The following MLLT3 variants were observed in gnomAD, a reference collection of about 807,000 sequenced individuals.
The protein encoded by MLLT3 is MLLT3 super elongation complex subunit, also known as protein AF-9.
Under a neutral mutation model 53.2 loss-of-function variants are expected in MLLT3, and 4 were observed. The ratio of observed to expected loss-of-function variants is 0.08; its 90% confidence interval spans 0.04 to 0.17. The LOEUF is 0.17. MLLT3 is among the 10% of genes least tolerant of loss of function. The pLI is 1.00. For missense variants in MLLT3, 569 were observed against 684.0 expected (o/e 0.83, Z 1.87); for synonymous variants, 283 against 230.6 (o/e 1.23, Z -2.06).
chr9:20,581,805 C>T (rs1040942958), intron 2 of MLLT3, among the ~76,000 whole-genome samples: 22 of 152,094 alleles, frequency 1.4e-4, no homozygotes, highest in Admixed American at 2.6e-4. Context: ...ATACCATTAC[C>T]TCTGGCTATT....
chr9:20,405,626 C>A (rs1008853576), intron 5 of MLLT3, among the ~76,000 whole-genome samples: 1 of 152,152 alleles, frequency 6.6e-6, no homozygotes, highest in Non-Finnish European at 1.5e-5. Flanking sequence ...ATAAAAGAGT[C>A]CCACACAGGT....
chr9:20,544,379 T>C (rs1373053089), intron 2 of MLLT3, among the ~76,000 whole-genome samples: 3 of 152,068 alleles, frequency 2.0e-5, no homozygotes, highest in Admixed American at 6.5e-5. Context: ...ACCTATGAAA[T>C]GGGAATAAAT....
chr9:20,359,515 T>C (rs977573109), intron 8 of MLLT3, among the ~76,000 whole-genome samples: 9 of 152,220 alleles, frequency 5.9e-5, no homozygotes, highest in Non-Finnish European at 1.2e-4. Flanking sequence ...GAAATTGCAG[T>C]TGAACTGTAA....
At chr9:20,582,611 T>C (rs1563829123) in intron 2 of MLLT3, among the ~76,000 whole-genome samples, 2 of 152,224 alleles carry the variant, frequency 1.3e-5, no homozygotes, top group African/African-American at 2.4e-5. Context: ...AGAGGTTTAA[T>C]TGGACTTACA....
intron 10 of MLLT3, among the ~76,000 whole-genome samples, chr9:20,350,894 T>C (rs549158615): frequency 2.6e-5 from 4 of 152,148 alleles, no homozygotes; most frequent in Admixed American, 6.6e-5. Flanking sequence ...CAGGGTTCTT[T>C]CCATGTGAAG....
At chr9:20,417,723 T>C (rs1333046852) in intron 4 of MLLT3, among the ~76,000 whole-genome samples, 3 of 152,206 alleles carry the variant, frequency 2.0e-5, no homozygotes, top group Middle Eastern at 3.2e-3. Context: ...TCTATTCAGA[T>C]TGCACTGAAT....
chr9:20,443,960 T>C (rs1823623445), intron 4 of MLLT3, among the ~76,000 whole-genome samples: 1 of 152,212 alleles, frequency 6.6e-6, no homozygotes, highest in Non-Finnish European at 1.5e-5. Context: ...TGTATCACAC[T>C]TCTTTCCAAC....
intron 2 of MLLT3, among the ~76,000 whole-genome samples, chr9:20,457,237 T>C (rs1296306349): frequency 1.4e-5 from 2 of 138,178 alleles, no homozygotes; most frequent in African/African-American, 2.9e-5. Flanking sequence ...GACAAGGACA[T>C]CTTTTTTTTT....
chr9:20,456,672 T>C lies in MLLT3; in HGVS notation c.276+32A>G, dbSNP rs769397901. 20 of 1,440,950 alleles carry C rather than the reference T, an allele frequency of 1.4e-5. No individual in the cohort carries two copies. In the East Asian group the frequency reaches 4.1e-4, roughly 30 times the overall value. The allele number at this position is 1,440,950 out of a possible 1,614,324, so 89.3% of individuals were successfully genotyped here. A position where few individuals can be genotyped will look rare whatever the true frequency, so the allele number is the denominator to read the frequency against. On this transcript the variant is annotated intron_variant, in intron 3 of 10. Coordinates refer to ENST00000380338, the MANE Select transcript of MLLT3 (RefSeq NM_004529.4). ...ATCATTTGGCTAATGGTGGATCGTC[T>C]ACTGAAAGATTAATGGGTAAAGATT...
intron 5 of MLLT3, among the ~76,000 whole-genome samples, chr9:20,371,274 C>A (rs1467276031): frequency 6.6e-6 from 1 of 152,222 alleles, no homozygotes; most frequent in Non-Finnish European, 1.5e-5. Context: ...TCCAGAAGAT[C>A]TAGCTAACAA....
rs777046863 is a variant in MLLT3 at position 20,365,695 on chromosome 9, AAGCTGGAGCTGG to A, written c.1163_1174del (p.Ser388_Ser391del). The A allele has an allele frequency of 1.2e-6, 2 of 1,614,166 alleles. No individual in the cohort carries two copies. The highest frequency in any genetic ancestry group is 1.7e-6 in the Non-Finnish European group (2 of 1,180,028). On this transcript the variant is annotated inframe_deletion, in exon 6 of 11. Coordinates refer to ENST00000380338, the MANE Select transcript of MLLT3 (RefSeq NM_004529.4). Reference sequence around the variant, plus strand: ...TTGTTGCCTGGTCTGGGATGGTGTGAAGCTGGAGCTGGAGCTGGAGCTGGAGCTGGCAGGACT... The same window carrying A: ...TTGTTGCCTGGTCTGGGATGGTGTGAAGCTGGAGCTGGAGCTGGCAGGACT...
chr9:20,518,818 A>G (rs912319221), intron 2 of MLLT3, among the ~76,000 whole-genome samples: 10 of 152,338 alleles, frequency 6.6e-5, no homozygotes, highest in African/African-American at 2.2e-4. Flanking sequence ...TACCTGAAAA[A>G]GAATTTTCAA....
At chr9:20,487,038 G>A (rs1175872241) in intron 2 of MLLT3, among the ~76,000 whole-genome samples, 3 of 152,008 alleles carry the variant, frequency 2.0e-5, no homozygotes, top group Non-Finnish European at 4.4e-5. Flanking sequence ...ATAACAAAAT[G>A]CAATTATTAA....
chr9:20,609,939 C>T (rs1317759892), intron 2 of MLLT3, among the ~76,000 whole-genome samples: 1 of 152,088 alleles, frequency 6.6e-6, no homozygotes, highest in Non-Finnish European at 1.5e-5. Context: ...AAATACTCCA[C>T]ATGTCTATTG....
intron 2 of MLLT3, among the ~76,000 whole-genome samples, chr9:20,534,344 G>C (rs986867476): frequency 6.6e-6 from 1 of 152,154 alleles, no homozygotes; most frequent in African/African-American, 2.4e-5. Flanking sequence ...ATCTGAAAAA[G>C]AGAAAGGTCC....
chr9:20,569,730 C>T (rs1055660474), intron 2 of MLLT3, among the ~76,000 whole-genome samples: 6 of 152,166 alleles, frequency 3.9e-5, no homozygotes, highest in Non-Finnish European at 7.3e-5. Flanking sequence ...CCCAGTTTCT[C>T]CACTCACAAG....
intron 10 of MLLT3, 95 bp from the exon 11 acceptor site, chr9:20,346,669 G>C: frequency 8.2e-7 from 1 of 1,212,748 alleles, no homozygotes; most frequent in Non-Finnish European, 1.2e-6. Flanking sequence ...ATGGAATCAA[G>C]TGATAAATAT....
chr9:20,463,554 A>G (rs1211466903), intron 2 of MLLT3, among the ~76,000 whole-genome samples: 1 of 152,170 alleles, frequency 6.6e-6, no homozygotes, highest in Non-Finnish European at 1.5e-5. Flanking sequence ...TCAGGCTTAC[A>G]TCTTTCACTA....
intron 2 of MLLT3, among the ~76,000 whole-genome samples, chr9:20,467,724 A>G (rs1251345919): frequency 6.6e-6 from 1 of 152,250 alleles, no homozygotes; most frequent in Non-Finnish European, 1.5e-5. Flanking sequence ...AAATAAACAA[A>G]GAGAACAGAG....
Sources: allele counts gnomAD v4.1 joint callset (sites outside exome capture counted in the v4.1 genomes callset), GRCh38; gene constraint gnomAD v4.1.1; transcripts MANE v1.5; gene names NCBI Gene and HGNC (gene_info 2026-07-23, HGNC 2026-07-21).